The following GLIS2 variants were observed in gnomAD, a reference collection of about 807,000 sequenced individuals.
The protein encoded by GLIS2 is zinc finger protein GLIS2.
GLIS2 carries 14 observed loss-of-function variants against 35.6 expected under a neutral mutation model. The ratio of observed to expected loss-of-function variants is 0.39; its 90% CI spans 0.26 to 0.61. GLIS2 has a LOEUF of 0.61. GLIS2 is among the 20% of genes least tolerant of loss of function. GLIS2 has a pLI of 0.48. For synonymous variants in GLIS2, 368 were observed against 325.1 expected (o/e 1.13, Z -1.42); for missense variants, 675 against 713.4 (o/e 0.95, Z 0.61).
At chr16:4,323,348 T>C (rs931807453) in intron 1 of GLIS2, among the ~76,000 whole-genome samples, 1 of 152,166 alleles carries the variant, frequency 6.6e-6, no homozygotes, top group Non-Finnish European at 1.5e-5. Context: ...GGCTTTCCTC[T>C]GGCTGGGGCC....
chr16:4,326,065 T>C (rs181675094), intron 1 of GLIS2, among the ~76,000 whole-genome samples: 7 of 148,308 alleles, frequency 4.7e-5, no homozygotes, highest in South Asian at 2.2e-4. Flanking sequence ...GGTGAAACCC[T>C]ATCTCTACTA....
Position 4,337,128 on chromosome 16 carries a change from G to A in GLIS2, c.1179G>A (p.Gly393=), listed in dbSNP as rs772073582. 3 of 1,536,372 alleles carry A rather than the reference G, an allele frequency of 2.0e-6. No homozygotes were observed. The highest frequency in any genetic ancestry group is 2.0e-5 in the Admixed American group (1 of 50,994). The change falls in exon 7 of 7, where the codon GGG becomes GGA. Residue 393 remains glycine (G), a synonymous_variant. Coordinates refer to ENST00000433375, the MANE Select transcript of GLIS2 (RefSeq NM_032575.3). ...ALACGNGGGS[G]GGGGMGPGLP... is the part of the protein sequence containing the mutation. ...CCTGTGGCAACGGTGGGGGCAGTGGGGGTGGGGGGGGCATGGGCCCTGGGC... is the reference window on the plus strand; with the variant it reads ...CCTGTGGCAACGGTGGGGGCAGTGGAGGTGGGGGGGGCATGGGCCCTGGGC...
rs112309667 is a variant in GLIS2, at chr16:4,335,026, C to A, written c.523-34C>A. ...GTGTGGAGTCTGGGGCAGGTCACCCCGCATGGGCTCAGAACACTTCCCATC... is the reference window on the plus strand; with the variant it reads ...GTGTGGAGTCTGGGGCAGGTCACCCAGCATGGGCTCAGAACACTTCCCATC... On this transcript the variant is annotated intron_variant, in intron 4 of 6. Transcript: ENST00000433375. This position sits in a 1 kb window ranked among gnomAD's most constrained non-coding sequence, Gnocchi z 4.6. 1.6e-5 allele frequency: 26 copies of A among 1,613,114 alleles called. No homozygotes were observed. The Admixed American group carries it at 4.0e-4, about 25-fold the overall frequency.
intron 1 of GLIS2, among the ~76,000 whole-genome samples, chr16:4,317,330 G>T (rs1298756029): frequency 2.0e-5 from 3 of 152,148 alleles, no homozygotes; most frequent in Non-Finnish European, 4.4e-5. Context: ...CCATGGAAAG[G>T]GCCTGGGCCA....
chr16:4,332,269 G>A lies in GLIS2; in HGVS notation c.-12G>A, dbSNP rs768107661. 5.0e-6 allele frequency: 8 copies of A among 1,610,890 alleles called. No homozygotes were observed. Among genetic ancestry groups the A allele is most frequent in the East Asian group, 4.5e-5 (2 of 44,808 alleles). ...ACTGCCTGCTGCCACCTCCAACTCC[G>A]GCCCCCTCACCATGCACTCCCTGGA... On this transcript the variant is annotated 5_prime_UTR_variant, in exon 2 of 7. Transcript: ENST00000433375. This position sits in a 1 kb window ranked among gnomAD's most constrained non-coding sequence, Gnocchi z 5.4.
chr16:4,318,520 C>T (rs1436298786), intron 1 of GLIS2, among the ~76,000 whole-genome samples: 1 of 152,226 alleles, frequency 6.6e-6, no homozygotes, highest in Admixed American at 6.5e-5. Flanking sequence ...TCTGAGAAAC[C>T]CAGCTGCAAC....
intron 1 of GLIS2, among the ~76,000 whole-genome samples, chr16:4,317,457 C>G (rs529424537): frequency 2.6e-5 from 4 of 152,112 alleles, no homozygotes; most frequent in South Asian, 2.1e-4. Flanking sequence ...CACTGCGCTT[C>G]GGAGGGCCTT....
rs2053363380 is a variant in GLIS2, at chr16:4,320,167, AGCCTTGGCAGATGGCTGCC to A, written c.-67+3915_-67+3933del. The stretch of plus-strand genomic sequence containing the variant: ...TCACATGTGCGTGCACACGGACTCC[AGCCTTGGCAGATGGCTGCC>A]GGGGAAGGGACGGAGACCCAGCCCT... On this transcript the variant is annotated intron_variant, in intron 1 of 6. Transcript: ENST00000433375. The surrounding 1 kb of genome is among the most constrained non-coding windows in gnomAD (Gnocchi z 5.6). Among the ~76,000 whole-genome samples, 1 of 152,118 alleles carries A rather than the reference AGCCTTGGCAGATGGCTGCC, an allele frequency of 6.6e-6. No homozygotes were observed. Among genetic ancestry groups the A allele is most frequent in the African/African-American group, 2.4e-5 (1 of 41,428 alleles).
intron 1 of GLIS2, among the ~76,000 whole-genome samples, chr16:4,317,706 C>A (rs2053329644): frequency 6.6e-6 from 1 of 152,036 alleles, no homozygotes; most frequent in African/African-American, 2.4e-5. Context: ...ACACCCTTTG[C>A]CAAGCTCCAG....
intron 1 of GLIS2, chr16:4,324,615 T>C (rs1269297385): frequency 6.6e-6 from 1 of 152,316 alleles, no homozygotes; most frequent in Non-Finnish European, 1.5e-5. Flanking sequence ...CAGCGGTAGA[T>C]GGGCCAAAGG....
chr16:4,321,302 A>C (rs1440804474), intron 1 of GLIS2, among the ~76,000 whole-genome samples: 1 of 152,106 alleles, frequency 6.6e-6, no homozygotes, highest in African/African-American at 2.4e-5. Context: ...AGGGAGAAAG[A>C]GGCATCTATG....
intron 1 of GLIS2, chr16:4,331,611 C>T (rs572913444): frequency 6.5e-6 from 1 of 154,706 alleles, no homozygotes; most frequent in African/African-American, 2.4e-5. Context: ...ATAGTTTTTC[C>T]ACTTCTGAGC....
At chr16:4,329,341 G>C (rs561008687) in intron 1 of GLIS2, among the ~76,000 whole-genome samples, 2 of 152,190 alleles carry the variant, frequency 1.3e-5, no homozygotes, top group Non-Finnish European at 2.9e-5. Context: ...ATCTCTGGGA[G>C]CCCCTGGCCC....
chr16:4,334,238 C>CTTTTT (rs781643023), intron 3 of GLIS2, among the ~76,000 whole-genome samples: 1 of 120,330 alleles, frequency 8.3e-6, no homozygotes, highest in Non-Finnish European at 1.7e-5. Flanking sequence ...TGTGCCCGGC[C>CTTTTT]TTTTTTTTTT....
intron 1 of GLIS2, chr16:4,326,383 G>A (rs146957289): frequency 2.0e-5 from 3 of 152,378 alleles, no homozygotes; most frequent in Admixed American, 6.5e-5. Context: ...AAGGCAAGGG[G>A]TGTTCCTCAC....
upstream of GLIS2, among the ~76,000 whole-genome samples, chr16:4,315,780 C>T (rs1368179515): frequency 6.6e-6 from 1 of 150,898 alleles, no homozygotes; most frequent in Non-Finnish European, 1.5e-5. Context: ...CGCCGCCCTC[C>T]CTTCCCCCTC....
chr16:4,327,061 G>A (rs2053439020), intron 1 of GLIS2, among the ~76,000 whole-genome samples: 2 of 151,378 alleles, frequency 1.3e-5, no homozygotes, highest in Admixed American at 1.3e-4. Flanking sequence ...CCCGGCCACC[G>A]GCTGATTTTT....
chr16:4,330,506 C>A (rs2053486967), intron 1 of GLIS2, among the ~76,000 whole-genome samples: 1 of 152,226 alleles, frequency 6.6e-6, no homozygotes, highest in South Asian at 2.1e-4. Context: ...CTGGGGCTCC[C>A]TGGCTTGCGA....
chr16:4,331,779 A>G (rs1236537633), intron 1 of GLIS2: 5 of 205,144 alleles, frequency 2.4e-5, no homozygotes, highest in Non-Finnish European at 5.1e-5. Flanking sequence ...CGATCTCTAC[A>G]AAAAAGAAAA....
Sources: allele counts gnomAD v4.1 joint callset (sites outside exome capture counted in the v4.1 genomes callset), GRCh38; gene constraint gnomAD v4.1.1; non-coding constraint Gnocchi (gnomAD v3.1); transcripts MANE v1.5; gene names NCBI Gene and HGNC (gene_info 2026-07-23, HGNC 2026-07-21).